The following LUZP2 variants were observed in gnomAD, a reference collection of about 807,000 sequenced individuals.
LUZP2 encodes leucine zipper protein 2.
LUZP2 carries 52 observed loss-of-function variants against 51.6 expected under a neutral mutation model. That is an observed-to-expected ratio of 1.01 (90% CI 0.81 to 1.27). The LOEUF (loss-of-function observed/expected upper bound fraction) is 1.27. LUZP2 is among the 50% of genes most tolerant of loss of function. The pLI is 0.00. For synonymous variants in LUZP2, 154 were observed against 137.3 expected (o/e 1.12, Z -0.85); for missense variants, 436 against 395.4 (o/e 1.10, Z -0.87).
intron 1 of LUZP2, among the ~76,000 whole-genome samples, chr11:24,501,621 C>G (rs937676801): frequency 6.6e-6 from 1 of 152,118 alleles, no homozygotes; most frequent in Admixed American, 6.5e-5. Context: ...AATTATGGTT[C>G]CTTTTCTGAG....
chr11:24,811,433 C>A (rs546581044), intron 5 of LUZP2, among the ~76,000 whole-genome samples: 11 of 152,266 alleles, frequency 7.2e-5, no homozygotes, highest in African/African-American at 2.4e-4. Flanking sequence ...GCTGTCTTAT[C>A]TGACATAGTT....
intron 1 of LUZP2, among the ~76,000 whole-genome samples, chr11:24,539,367 CCACTT>C (rs1464867775): frequency 6.6e-5 from 10 of 151,934 alleles, no homozygotes; most frequent in East Asian, 3.9e-4. Flanking sequence ...GAATAACTCT[CCACTT>C]CACTCTCAAA....
intron 1 of LUZP2, among the ~76,000 whole-genome samples, chr11:24,600,493 T>C (rs1179033372): frequency 6.6e-6 from 1 of 152,142 alleles, no homozygotes; most frequent in African/African-American, 2.4e-5. Flanking sequence ...ATTTACAGGT[T>C]AAAAAAGTTT....
intron 5 of LUZP2, among the ~76,000 whole-genome samples, chr11:24,782,540 C>T (rs1849124459): frequency 6.6e-6 from 1 of 151,956 alleles, no homozygotes; most frequent in Non-Finnish European, 1.5e-5. Context: ...GATTGGTAAG[C>T]ACTGCTCTTA....
chr11:25,038,862 T>C (rs970222833), intron 9 of LUZP2, among the ~76,000 whole-genome samples: 1 of 152,170 alleles, frequency 6.6e-6, no homozygotes, highest in Non-Finnish European at 1.5e-5. Flanking sequence ...CTGTACAAAG[T>C]CTTCGTTGCT....
At chr11:24,819,048 T>C (rs1850276942) in intron 5 of LUZP2, among the ~76,000 whole-genome samples, 1 of 152,068 alleles carries the variant, frequency 6.6e-6, no homozygotes, top group Admixed American at 6.6e-5. Context: ...TTTAAAAGTA[T>C]AATAGATATA....
At chr11:24,715,399 C>T (rs1858004476) in intron 1 of LUZP2, among the ~76,000 whole-genome samples, 1 of 151,742 alleles carries the variant, frequency 6.6e-6, no homozygotes, top group South Asian at 2.1e-4. Context: ...TCTGACCATG[C>T]CCTTCAAGAG....
intron 5 of LUZP2, among the ~76,000 whole-genome samples, chr11:24,885,741 C>A (rs960040996): frequency 6.6e-6 from 1 of 152,116 alleles, no homozygotes; most frequent in South Asian, 2.1e-4. Flanking sequence ...ATTATCTAAA[C>A]GTGTTCCATT....
chr11:24,602,006 A>C (rs907937262), intron 1 of LUZP2, among the ~76,000 whole-genome samples: 1 of 121,458 alleles, frequency 8.2e-6, no homozygotes, highest in Non-Finnish European at 1.7e-5. Context: ...ATGTATATAT[A>C]TGTATATATG....
intron 1 of LUZP2, among the ~76,000 whole-genome samples, chr11:24,685,565 C>A (rs988485221): frequency 1.2e-4 from 18 of 150,690 alleles, no homozygotes; most frequent in African/African-American, 4.4e-4. Flanking sequence ...CACACTGTTA[C>A]TAATATCAAA....
intron 1 of LUZP2, among the ~76,000 whole-genome samples, chr11:24,514,832 C>T (rs1486685959): frequency 2.6e-5 from 4 of 152,128 alleles, no homozygotes; most frequent in African/African-American, 7.2e-5. Context: ...GAGGGCTGTT[C>T]TGTAAAAGCG....
intron 3 of LUZP2, among the ~76,000 whole-genome samples, chr11:24,736,460 A>T (rs1315633490): frequency 6.7e-6 from 1 of 150,300 alleles, no homozygotes; most frequent in Admixed American, 6.6e-5. Context: ...TGTTTGGGAT[A>T]ACATGTAGGT....
At chr11:24,744,341 T>C (rs953000935) in intron 4 of LUZP2, among the ~76,000 whole-genome samples, 3 of 152,160 alleles carry the variant, frequency 2.0e-5, no homozygotes, top group Non-Finnish European at 2.9e-5. Context: ...CATCTGGTCC[T>C]AGACTTTTTT....
At position 25,072,181 on chromosome 11, in the gene LUZP2, C is replaced by A. The variant is rs937663410; in HGVS notation, c.859-5148C>A. Among the ~76,000 whole-genome samples, 13 of 152,128 alleles carry A rather than the reference C, an allele frequency of 8.5e-5. No homozygotes were observed. The East Asian group carries it at 2.3e-3, about 27-fold the overall frequency. On this transcript the variant is annotated intron_variant, in intron 10 of 11. Coordinates refer to ENST00000336930, the MANE Select transcript of LUZP2 (RefSeq NM_001009909.4). ...TCTCAAAGCCTGTGCTATCATCTTA[C>A]AGAGGTTGCCACTGGATGTGACCTG...
intron 1 of LUZP2, among the ~76,000 whole-genome samples, chr11:24,680,666 G>A (rs1856703515): frequency 2.0e-5 from 3 of 152,146 alleles, no homozygotes; most frequent in Admixed American, 2.0e-4. Flanking sequence ...AGTAATAACA[G>A]TCCTTTATGT....
chr11:24,629,556 A>ATG (rs1475215469), intron 1 of LUZP2, among the ~76,000 whole-genome samples: 1 of 147,198 alleles, frequency 6.8e-6, no homozygotes, highest in Non-Finnish European at 1.5e-5. Context: ...TTGCATATAT[A>ATG]TATATATATA....
chr11:24,931,916 G>C (rs1174587027), intron 7 of LUZP2, among the ~76,000 whole-genome samples: 1 of 152,104 alleles, frequency 6.6e-6, no homozygotes, highest in Admixed American at 6.5e-5. Flanking sequence ...GGGTTCAGGG[G>C]TTACTGTTCA....
intron 10 of LUZP2, among the ~76,000 whole-genome samples, chr11:25,076,177 C>A (rs1377068136): frequency 6.6e-6 from 1 of 152,006 alleles, no homozygotes. Context: ...TGCCACCACA[C>A]CCAGCTGCTT....
chr11:24,790,725 C>T (rs2134094222), intron 5 of LUZP2, among the ~76,000 whole-genome samples: 1 of 152,272 alleles, frequency 6.6e-6, no homozygotes, highest in Non-Finnish European at 1.5e-5. Flanking sequence ...TAGTCTCGTA[C>T]TCCTGACCTC....
Sources: allele counts gnomAD v4.1 joint callset (sites outside exome capture counted in the v4.1 genomes callset), GRCh38; gene constraint gnomAD v4.1.1; transcripts MANE v1.5; gene names NCBI Gene and HGNC (gene_info 2026-07-23, HGNC 2026-07-21).